Variants in SWAP70 observed in about 807,000 individuals in gnomAD.
The protein encoded by SWAP70 is switch-associated protein 70.
A neutral mutation model predicts 80.2 loss-of-function variants in SWAP70; 34 were observed. The ratio of observed to expected loss-of-function variants is 0.42; its 90% CI spans 0.32 to 0.56. The LOEUF is 0.56. Ranked by LOEUF, SWAP70 falls within the 20% of genes least tolerant of loss-of-function variation. The probability of loss-of-function intolerance (pLI) is 0.09; values close to 1 mark genes in which losing one functional copy is unlikely to be tolerated. For missense variants in SWAP70, 578 were observed against 690.7 expected, an observed-to-expected ratio of 0.84 and a Z score of 1.83; for synonymous variants, 239 against 238.5, an observed-to-expected ratio of 1.00 and a Z score of -0.02.
In SWAP70 at chr11:9,689,231, G is replaced by C. The variant is rs901539193; in HGVS notation, c.100-4915G>C. Among the ~76,000 whole-genome samples, 7 of 152,340 alleles carry C rather than the reference G, an allele frequency of 4.6e-5. No homozygotes were observed. In the East Asian group the frequency reaches 1.2e-3, roughly 25 times the overall value. On this transcript the variant is annotated intron_variant, in intron 1 of 11. Coordinates refer to ENST00000318950, the MANE Select transcript of SWAP70 (RefSeq NM_015055.4). ...AGGAGGGTGAACACTACTTACTCGT[G>C]TTAAAACACTGTTCACCATCCTTGA...
At chr11:9,688,109 T>C (rs1850654459) in intron 1 of SWAP70, among the ~76,000 whole-genome samples, 1 of 152,252 alleles carries the variant, frequency 6.6e-6, no homozygotes, top group South Asian at 2.1e-4. Context: ...AGTGAGGAGA[T>C]AGAAATAGTA....
intron 1 of SWAP70, among the ~76,000 whole-genome samples, chr11:9,683,488 G>A (rs907758939): frequency 6.6e-6 from 1 of 152,108 alleles, no homozygotes; most frequent in African/African-American, 2.4e-5. Flanking sequence ...CTAAGAGGAG[G>A]GGGTGATTCA....
intron 1 of SWAP70, among the ~76,000 whole-genome samples, chr11:9,669,735 GT>G (rs1264537763): frequency 6.6e-6 from 1 of 152,136 alleles, no homozygotes; most frequent in Non-Finnish European, 1.5e-5. Flanking sequence ...ATAGATTGGG[GT>G]TAATGCATAG....
chr11:9,673,569 G>A (rs1284197302), intron 1 of SWAP70, among the ~76,000 whole-genome samples: 2 of 152,090 alleles, frequency 1.3e-5, no homozygotes, highest in East Asian at 3.9e-4. Flanking sequence ...GACAAAAAAG[G>A]GTATGATCTA....
intron 3 of SWAP70, among the ~76,000 whole-genome samples, chr11:9,719,183 T>C (rs1851104240): frequency 6.6e-6 from 1 of 150,520 alleles, no homozygotes; most frequent in South Asian, 2.1e-4. Flanking sequence ...GGCAGGCTGA[T>C]CACTTGAGCT....
chr11:9,695,877 C>T (rs1305204471), intron 2 of SWAP70, among the ~76,000 whole-genome samples: 1 of 152,016 alleles, frequency 6.6e-6, no homozygotes, highest in Non-Finnish European at 1.5e-5. Context: ...TCACTGTAGC[C>T]TCTGACCTCC....
chr11:9,725,546 TA>T (rs1564829392), intron 4 of SWAP70, among the ~76,000 whole-genome samples: 9 of 9,306 alleles, frequency 9.7e-4, no homozygotes, highest in African/African-American at 3.0e-3. Context: ...TATATATATA[TA>T]TATATATATA....
At position 9,664,127 on chromosome 11, in the gene SWAP70, C is replaced by A; in HGVS notation, c.-53C>A. 2.7e-6 allele frequency: 4 copies of A among 1,502,886 alleles called. No individual in the cohort carries two copies. The highest frequency in any genetic ancestry group is 3.6e-6 in the Non-Finnish European group (4 of 1,120,710). The allele number at this position is 1,502,886 out of a possible 1,614,324, so 93.1% of individuals were successfully genotyped here. A position where few individuals can be genotyped will look rare whatever the true frequency, so the allele number is the denominator to read the frequency against. On this transcript the variant is annotated 5_prime_UTR_variant, in exon 1 of 12. Transcript: ENST00000318950. ...TGCGGAGGTTGAGGGGCGTCCGAGG[C>A]GCGGAGGGGCTGGCTGGGCAGGAGG... is the stretch of plus-strand genomic sequence containing the variant.
intron 2 of SWAP70, among the ~76,000 whole-genome samples, chr11:9,713,242 A>G (rs1453385592): frequency 2.0e-5 from 3 of 152,218 alleles, no homozygotes; most frequent in African/African-American, 7.2e-5. Flanking sequence ...TTATGTGCCA[A>G]GGGAGTGATA....
chr11:9,738,187 C>A, intron 7 of SWAP70, 26 bp from the exon 8 acceptor site: 1 of 1,567,810 alleles, frequency 6.4e-7, no homozygotes. Flanking sequence ...ACCTGCTTTT[C>A]TGTGGATGGG....
At chr11:9,674,093 G>T (rs1306677833) in intron 1 of SWAP70, among the ~76,000 whole-genome samples, 1 of 152,056 alleles carries the variant, frequency 6.6e-6, no homozygotes, top group East Asian at 1.9e-4. Context: ...TAGAGACCGA[G>T]TTTCGCCGTG....
chr11:9,682,542 A>G (rs994714851), intron 1 of SWAP70, among the ~76,000 whole-genome samples: 93 of 152,352 alleles, frequency 6.1e-4, no homozygotes, highest in African/African-American at 2.1e-3. Context: ...AATCATTTGA[A>G]TAGAGATGAC....
At chr11:9,674,762 A>T (rs898964108) in intron 1 of SWAP70, among the ~76,000 whole-genome samples, 1 of 151,464 alleles carries the variant, frequency 6.6e-6, no homozygotes, top group African/African-American at 2.4e-5. Flanking sequence ...CAGGAGATGG[A>T]GACCATCCTG....
In SWAP70 at chr11:9,752,804, TTTAA is replaced by T. The variant is rs1467589573; in HGVS notation, c.*2835_*2838del. ...TGAGGGGAAACCAAATATTTATGATTTTAAAACATTCGTATGAAAACATTGTACA... is the reference window on the plus strand; with the variant it reads ...TGAGGGGAAACCAAATATTTATGATTAACATTCGTATGAAAACATTGTACA... On this transcript the variant is annotated 3_prime_UTR_variant, in exon 12 of 12. Coordinates refer to ENST00000318950, the MANE Select transcript of SWAP70 (RefSeq NM_015055.4). 1 of 152,384 alleles carries T rather than the reference TTTAA, an allele frequency of 6.6e-6. No individual in the cohort carries two copies. Among genetic ancestry groups the T allele is most frequent in the East Asian group, 1.9e-4 (1 of 5,194 alleles). The allele number at this position is 152,384 out of a possible 1,614,324, so 9.4% of individuals were successfully genotyped here.
chr11:9,720,822 TTTA>T (rs541881549), intron 3 of SWAP70, among the ~76,000 whole-genome samples: 8 of 152,340 alleles, frequency 5.3e-5, no homozygotes, highest in African/African-American at 1.9e-4. Context: ...CTTCTTATTT[TTTA>T]TTTTTTTAAA....
At chr11:9,713,721 C>A in intron 3 of SWAP70, 82 bp downstream of exon 3, 2 of 1,440,118 alleles carry the variant, frequency 1.4e-6, no homozygotes, top group Non-Finnish European at 1.9e-6. Flanking sequence ...GTTAATTCAG[C>A]ATAGATATGG....
rs539282728 is a variant in SWAP70, at chr11:9,697,743, C to T, written c.240+3457C>T. Reference sequence around the variant, plus strand: ...CCTGATCTTTCTTTGTGTGTATGCACGCCTATGTATATGTGTGTGTGTATT... The same window carrying T: ...CCTGATCTTTCTTTGTGTGTATGCATGCCTATGTATATGTGTGTGTGTATT... On this transcript the variant is annotated intron_variant, in intron 2 of 11. Transcript: ENST00000318950. Among the ~76,000 whole-genome samples, 16 of 152,266 alleles carry T rather than the reference C, an allele frequency of 1.1e-4. 1 individual carries two copies. Among genetic ancestry groups the T allele is most frequent in the South Asian group, 6.2e-4 (3 of 4,824 alleles).
At chr11:9,679,962 C>A (rs186564790) in intron 1 of SWAP70, among the ~76,000 whole-genome samples, 1 of 152,196 alleles carries the variant, frequency 6.6e-6, no homozygotes, top group Non-Finnish European at 1.5e-5. Context: ...AGCCACTGCA[C>A]GCGGCCTGCT....
chr11:9,692,022 T>C (rs1850703060), intron 1 of SWAP70, among the ~76,000 whole-genome samples: 1 of 152,184 alleles, frequency 6.6e-6, no homozygotes. Flanking sequence ...GAAGTCACTG[T>C]AACACATACT....
Sources: gnomAD v4.1 joint callset for allele counts (sites outside exome capture counted in the v4.1 genomes callset) on GRCh38, gnomAD v4.1.1 for gene constraint, MANE v1.5 for transcripts, NCBI Gene and HGNC (gene_info 2026-07-23, HGNC 2026-07-21) for gene names.